Variants in FBN1 observed in about 807,000 individuals in gnomAD.
FBN1 encodes fibrillin 1, also known as fibrillin-1.
In FBN1, 29 loss-of-function variants were observed where a neutral mutation model predicts 365.1. The observed-to-expected ratio is 0.08, with a 90% confidence interval of 0.06 to 0.11. FBN1 has a LOEUF of 0.11. FBN1 is among the 10% of genes least tolerant of loss of function. The pLI is 1.00. For missense variants in FBN1, 2,476 were observed against 3,703.2 expected, an observed-to-expected ratio of 0.67 and a Z score of 8.60; for synonymous variants, 1,210 against 1,270.5, an observed-to-expected ratio of 0.95 and a Z score of 1.01.
chr15:48,523,644 A>C (rs1430962682), intron 9 of FBN1, among the ~76,000 whole-genome samples: 2 of 142,636 alleles, frequency 1.4e-5, no homozygotes, highest in African/African-American at 5.4e-5. Context: ...GGAGTAAATG[A>C]CCTCCAGGAC....
chr15:48,516,279 G>A lies in FBN1; in HGVS notation c.1231C>T (p.Pro411Ser), dbSNP rs2141331032. The A allele has an allele frequency of 6.2e-7, 1 of 1,613,494 alleles. No homozygotes were observed. Among genetic ancestry groups the A allele is most frequent in the Non-Finnish European group, 8.5e-7 (1 of 1,179,652 alleles). Reference protein sequence around the residue: ...YPPPPLGPIPPVLPVPPGFPP... With the variant: ...YPPPPLGPIPSVLPVPPGFPP... ...AAGCCAGGAGGAACAGGGAGAACTG[G>A]AGGAATGGGGCCAAGGGGTGGGGGA... Residue 411 changes from proline (P) to serine (S), a missense_variant, in exon 11 of 66, where the codon CCA becomes TCA. Pro to Ser is a moderately conservative substitution (Grantham distance 74, BLOSUM62 -1). Around this residue, in one of 5 missense-constraint regions of FBN1, gnomAD observed 421 missense variants for 520.1 expected, o/e 0.81. Coordinates refer to ENST00000316623, the MANE Select transcript of FBN1 (RefSeq NM_000138.5).
At chr15:48,603,644 C>A (rs1000430136) in intron 4 of FBN1, among the ~76,000 whole-genome samples, 6 of 152,130 alleles carry the variant, frequency 3.9e-5, no homozygotes, top group African/African-American at 1.4e-4. Context: ...CTTAAAAAAG[C>A]CAACTGAAAC....
chr15:48,473,818 T>A (rs9806323), intron 34 of FBN1, among the ~76,000 whole-genome samples: 46,693 of 150,476 alleles, frequency 0.31, 9,959 homozygotes, highest in African/African-American at 0.6. Context: ...AAAAAAAAAA[T>A]AATAATAAAT....
chr15:48,568,557 TAGA>T (rs896828481), intron 6 of FBN1, among the ~76,000 whole-genome samples: 50 of 152,120 alleles, frequency 3.3e-4, no homozygotes, highest in African/African-American at 1.1e-3. Context: ...CAAAACAATT[TAGA>T]AGAAGAAGAA....
At chr15:48,583,053 T>C (rs895856357) in intron 6 of FBN1, among the ~76,000 whole-genome samples, 20 of 152,318 alleles carry the variant, frequency 1.3e-4, no homozygotes, top group African/African-American at 4.8e-4. Flanking sequence ...CACCTCTCAA[T>C]GTGTGGCCAG....
chr15:48,495,995 C>A (rs886770980), intron 20 of FBN1, 105 bp downstream of exon 20: 5 of 1,428,214 alleles, frequency 3.5e-6, no homozygotes, highest in Admixed American at 3.4e-5. Context: ...ACTAAACTGG[C>A]ATAACTGTCT....
Position 48,490,068 on chromosome 15 carries a change from C to T in FBN1, c.2865G>A (p.Leu955=). 6.2e-7 allele frequency: 1 copy of T among 1,614,114 alleles called. No individual in the cohort carries two copies. The highest frequency in any genetic ancestry group is 8.5e-7 in the Non-Finnish European group (1 of 1,180,032). Residue 955 remains leucine (L), a synonymous_variant, in exon 25 of 66, where the codon CTG becomes CTA. Transcript: ENST00000316623. The part of the protein sequence containing the change: ...ATGRICLDIR[L]ETCFLRYEDE... ...CCTCGTACCTCAGGAAGCAGGTTTC[C>T]AGGCGGATATCTGTCAGAGGGAATC...
intron 64 of FBN1, among the ~76,000 whole-genome samples, chr15:48,415,072 C>A (rs1461216457): frequency 6.6e-6 from 1 of 151,860 alleles, no homozygotes; most frequent in Non-Finnish European, 1.5e-5. Flanking sequence ...TAATTTAAAA[C>A]CCTAAATAAT....
In FBN1 at chr15:48,534,165, T is replaced by C; in HGVS notation, c.777A>G (p.Gly259=). The C allele has an allele frequency of 6.2e-7, 1 of 1,613,084 alleles. No homozygotes were observed. Among genetic ancestry groups the C allele is most frequent in the Non-Finnish European group, 8.5e-7 (1 of 1,179,782 alleles). Residue 259 remains glycine (G), a synonymous_variant, in exon 8 of 66, where the codon GGA becomes GGG. Transcript: ENST00000316623. The part of the protein sequence containing the change: ...ECQAIPGLCQ[G]GNCINTVGSF... ...ACCCAACAGTATTAATGCAATTTCC[T>C]CCCTGACAGAGCCCGGGGATGGCCT...
At chr15:48,639,669 G>A (rs534155837) in intron 2 of FBN1, among the ~76,000 whole-genome samples, 3 of 152,208 alleles carry the variant, frequency 2.0e-5, no homozygotes, top group South Asian at 2.1e-4. Context: ...TGAGAAAATC[G>A]ACTTGAACAA....
At position 48,420,706 on chromosome 15, in the gene FBN1, G is replaced by A. The variant is rs1404133653; in HGVS notation, c.7800C>T (p.Tyr2600=). The change falls in exon 63 of 66, where the codon TAC becomes TAT. Residue 2600 remains tyrosine, a synonymous_variant. Coordinates refer to ENST00000316623, the MANE Select transcript of FBN1 (RefSeq NM_000138.5). ...ACTTGCCAACACACTGGTTCCACTGGTAGTGCTGGAGGTAGCCCTGGGGGC... is the reference window on the plus strand; with the variant it reads ...ACTTGCCAACACACTGGTTCCACTGATAGTGCTGGAGGTAGCCCTGGGGGC... ...CSCPQGYLQH[Y]QWNQCVDENE... is the part of the protein sequence containing the mutation. 6.2e-7 allele frequency: 1 copy of A among 1,614,082 alleles called. No homozygotes were observed. The highest frequency in any genetic ancestry group is 1.7e-5 in the Admixed American group (1 of 60,010).
At chr15:48,478,926 A>T (rs958714931) in intron 32 of FBN1, among the ~76,000 whole-genome samples, 1 of 152,242 alleles carries the variant, frequency 6.6e-6, no homozygotes, top group African/African-American at 2.4e-5. Flanking sequence ...AATGGAGCCC[A>T]GAGGTCTTTT....
chr15:48,496,265 A>T, intron 19 of FBN1, 40 bp from the exon 20 acceptor site: 1 of 1,612,116 alleles, frequency 6.2e-7, no homozygotes, highest in Non-Finnish European at 8.5e-7. Context: ...AAAGGGCCCA[A>T]ACTTTGCCTG....
intron 22 of FBN1, 78 bp from the exon 23 acceptor site, chr15:48,494,332 G>T: frequency 9.3e-7 from 1 of 1,070,550 alleles, no homozygotes; most frequent in Non-Finnish European, 1.4e-6. Flanking sequence ...CTGACATAGT[G>T]TAAGAAACAT....
intron 6 of FBN1, among the ~76,000 whole-genome samples, chr15:48,547,812 C>T (rs1356215114): frequency 6.6e-6 from 1 of 151,476 alleles, no homozygotes; most frequent in Non-Finnish European, 1.5e-5. Context: ...CAAGGTGGCC[C>T]TCCTCTTCTC....
intron 44 of FBN1, among the ~76,000 whole-genome samples, chr15:48,455,703 A>G (rs1754818275): frequency 6.6e-6 from 1 of 152,216 alleles, no homozygotes; most frequent in Non-Finnish European, 1.5e-5. Flanking sequence ...TAACTCACAC[A>G]GCAGGCAGAG....
chr15:48,455,986 G>T (rs1224512839), intron 44 of FBN1, among the ~76,000 whole-genome samples: 3 of 152,118 alleles, frequency 2.0e-5, no homozygotes, highest in Non-Finnish European at 4.4e-5. Flanking sequence ...TGGGCACATG[G>T]TATATTTAAT....
intron 6 of FBN1, among the ~76,000 whole-genome samples, chr15:48,542,781 A>ATATGTGTGTG (rs1398899180): frequency 8.4e-5 from 11 of 130,572 alleles, no homozygotes; most frequent in Non-Finnish European, 1.6e-4. Flanking sequence ...GGACTCTAAG[A>ATATGTGTGTG]TGTGTGTGTG....
At chr15:48,589,412 T>C (rs2044459660) in intron 6 of FBN1, among the ~76,000 whole-genome samples, 2 of 152,086 alleles carry the variant, frequency 1.3e-5, no homozygotes, top group Admixed American at 6.5e-5. Context: ...CAGAGGAGCA[T>C]GTGTGCCCTC....
Sources: allele counts gnomAD v4.1 joint callset (sites outside exome capture counted in the v4.1 genomes callset), GRCh38; gene constraint gnomAD v4.1.1; regional missense constraint gnomAD v4.1.1; transcripts MANE v1.5; gene names NCBI Gene and HGNC (gene_info 2026-07-23, HGNC 2026-07-21).